Variants in TM9SF4 observed in about 807,000 individuals in gnomAD.
TM9SF4 encodes the protein dinucleotide oxidase disulfide thiol exchanger 3 superfamily member 4.
Under a neutral mutation model 90.4 loss-of-function variants are expected in TM9SF4, and 26 were observed. The ratio of observed to expected loss-of-function variants is 0.29; its 90% CI spans 0.21 to 0.40. The LOEUF (loss-of-function observed/expected upper bound fraction) is 0.40, where lower values mean the gene tolerates loss of function less well. TM9SF4 is among the 10% of genes least tolerant of loss of function. The pLI is 1.00. For synonymous variants in TM9SF4, 293 were observed against 315.4 expected (o/e 0.93, Z 0.75); for missense variants, 549 against 834.8 (o/e 0.66, Z 4.22).
chr20:32,135,790 G>C (rs1306003705), intron 2 of TM9SF4, among the ~76,000 whole-genome samples: 1 of 152,166 alleles, frequency 6.6e-6, no homozygotes, highest in African/African-American at 2.4e-5. Flanking sequence ...TATTTCCTTA[G>C]GAAAGATGCC....
In TM9SF4 at chr20:32,146,813, C is replaced by G. The variant is rs1156617812; in HGVS notation, c.912C>G (p.Thr304=). 3.7e-6 allele frequency: 6 copies of G among 1,613,926 alleles called. No homozygotes were observed. The Admixed American group carries it at 8.3e-5, about 22-fold the overall frequency. Reference sequence around the variant, plus strand: ...TCCTGAGCATGATTATCATTCGGACCCTCCGGAAGGACATTGCCAACTACA... The same window carrying G: ...TCCTGAGCATGATTATCATTCGGACGCTCCGGAAGGACATTGCCAACTACA... ...SGILSMIIIR[T]LRKDIANYNK... is the part of the protein sequence containing the mutation. Residue 304 remains threonine (T), a synonymous_variant, in exon 9 of 18, where the codon ACC becomes ACG. Transcript: ENST00000398022.
chr20:32,161,169 T>A, intron 16 of TM9SF4, 107 bp from the exon 17 acceptor site: 1 of 839,776 alleles, frequency 1.2e-6, no homozygotes, highest in Admixed American at 2.0e-5. Flanking sequence ...CATCACCCCA[T>A]ATGTTACTGC....
intron 9 of TM9SF4, 35 bp downstream of exon 9, chr20:32,146,890 A>T (rs535835490): frequency 6.3e-7 from 1 of 1,598,470 alleles, no homozygotes; most frequent in Non-Finnish European, 8.6e-7. Context: ...ATGAAGTTGG[A>T]TGGGGAGGGG....
chr20:32,145,742 A>T (rs2046754271), intron 8 of TM9SF4, among the ~76,000 whole-genome samples: 1 of 152,220 alleles, frequency 6.6e-6, no homozygotes, highest in African/African-American at 2.4e-5. Context: ...GGTATGAACA[A>T]GCCCGACCCA....
At chr20:32,138,594 T>C (rs1372653141) in intron 3 of TM9SF4, among the ~76,000 whole-genome samples, 3 of 152,046 alleles carry the variant, frequency 2.0e-5, no homozygotes, top group Admixed American at 2.0e-4. Context: ...GAGGCAGAGG[T>C]TGCAGTGAGC....
chr20:32,120,736 TA>T (rs2046294252), intron 1 of TM9SF4, among the ~76,000 whole-genome samples: 1 of 152,186 alleles, frequency 6.6e-6, no homozygotes. Context: ...TTAGGGGAAA[TA>T]ATTCAGTTTT....
At chr20:32,129,348 C>T (rs560030930) in intron 1 of TM9SF4, among the ~76,000 whole-genome samples, 30 of 152,024 alleles carry the variant, frequency 2.0e-4, no homozygotes, top group African/African-American at 7.0e-4. Context: ...AAAAAAATTG[C>T]GGTGCATGGT....
chr20:32,158,409 T>C, intron 14 of TM9SF4, 42 bp from the exon 15 acceptor site: 1 of 1,607,998 alleles, frequency 6.2e-7, no homozygotes. Flanking sequence ...GGCTTCCTGG[T>C]GGCCTGGTCT....
chr20:32,141,602 C>A lies in TM9SF4; in HGVS notation c.335C>A (p.Thr112Asn), dbSNP rs1569081232. The change falls in exon 4 of 18, where the codon ACC (threonine) becomes AAC (asparagine). Residue 112 changes from threonine (T) to asparagine (N), a missense_variant. Thr to Asn is a moderately conservative substitution (Grantham distance 65, BLOSUM62 0). This residue lies in a region of TM9SF4 where 495 missense variants were observed against 711.7 expected (regional missense o/e 0.70). Transcript: ENST00000398022. ...TGCAGCCAGTCCAACAAGCCAGTGA[C>A]CCTGACAGTGGAGCAGAGCCGACTC... ...VLCSQSNKPV[T>N]LTVEQSRLVA... 6.2e-7 allele frequency: 1 copy of A among 1,614,132 alleles called. No homozygotes were observed. Among genetic ancestry groups the A allele is most frequent in the East Asian group, 2.2e-5 (1 of 44,886 alleles).
Position 32,145,169 on chromosome 20 carries a change from A to G in TM9SF4, c.731A>G (p.Lys244Arg). ...TCGCCCCAAGAAATTGACCCCACCA[A>G]GGAGAATCAGCTGTACTTCACCTAC... ...NSSPQEIDPT[K>R]ENQLYFTYSV... Residue 244 changes from lysine to arginine, a missense_variant, in exon 7 of 18, where the codon AAG (lysine) becomes AGG (arginine). By Grantham distance (26) the Lys-to-Arg change is conservative. This residue lies in a region of TM9SF4 where 495 missense variants were observed against 711.7 expected (regional missense o/e 0.70). Transcript: ENST00000398022. 3 of 1,614,158 alleles carry G rather than the reference A, an allele frequency of 1.9e-6. No individual in the cohort carries two copies. Among genetic ancestry groups the G allele is most frequent in the Non-Finnish European group, 2.5e-6 (3 of 1,180,028 alleles).
intron 17 of TM9SF4, among the ~76,000 whole-genome samples, chr20:32,161,703 C>T (rs1483347633): frequency 6.6e-6 from 1 of 152,004 alleles, no homozygotes; most frequent in Non-Finnish European, 1.5e-5. Context: ...CTAATAACAC[C>T]TTGAGAAAAA....
intron 1 of TM9SF4, among the ~76,000 whole-genome samples, chr20:32,121,114 T>C (rs550961513): frequency 6.6e-6 from 1 of 152,282 alleles, no homozygotes; most frequent in Non-Finnish European, 1.5e-5. Flanking sequence ...TTGCCTGGCT[T>C]TGGCACGTGG....
At chr20:32,129,576 T>G (rs1272407150) in intron 1 of TM9SF4, among the ~76,000 whole-genome samples, 4 of 152,034 alleles carry the variant, frequency 2.6e-5, no homozygotes, top group Non-Finnish European at 5.9e-5. Context: ...ACATTTGACA[T>G]TTTACTATTG....
At chr20:32,154,094 TCTA>T (rs1358945890) in intron 12 of TM9SF4, among the ~76,000 whole-genome samples, 4 of 152,160 alleles carry the variant, frequency 2.6e-5, no homozygotes, top group African/African-American at 9.7e-5. Flanking sequence ...TCACCATCCT[TCTA>T]GGCAGTTTGG....
chr20:32,136,518 G>A (rs1027100201), intron 3 of TM9SF4, among the ~76,000 whole-genome samples: 2 of 152,074 alleles, frequency 1.3e-5, no homozygotes, highest in Non-Finnish European at 2.9e-5. Flanking sequence ...TTTCTAGATA[G>A]CTCCTCTCTT....
intron 1 of TM9SF4, among the ~76,000 whole-genome samples, chr20:32,132,715 A>C (rs2046538146): frequency 6.6e-6 from 1 of 152,218 alleles, no homozygotes; most frequent in African/African-American, 2.4e-5. Context: ...GTTACACACT[A>C]TAAATGGTTA....
chr20:32,141,461 T>C (rs777628278), intron 3 of TM9SF4, 36 bp from the exon 4 acceptor site: 1 of 1,609,706 alleles, frequency 6.2e-7, no homozygotes, highest in South Asian at 1.1e-5. Context: ...ACCTCAGGGC[T>C]GAAGCTCTGA....
intron 1 of TM9SF4, among the ~76,000 whole-genome samples, chr20:32,111,946 C>T (rs2046148780): frequency 6.6e-6 from 1 of 152,188 alleles, no homozygotes; most frequent in African/African-American, 2.4e-5. Context: ...ATGGGAAGGA[C>T]TGCGGTCTAC....
intron 1 of TM9SF4, among the ~76,000 whole-genome samples, chr20:32,122,881 T>C (rs2046347494): frequency 6.6e-6 from 1 of 151,814 alleles, no homozygotes; most frequent in African/African-American, 2.4e-5. Context: ...TGGGCGCCAT[T>C]GAGCACTGAG....
Sources: allele counts gnomAD v4.1 joint callset (sites outside exome capture counted in the v4.1 genomes callset), GRCh38; gene constraint gnomAD v4.1.1; regional missense constraint gnomAD v4.1.1; transcripts MANE v1.5; gene names NCBI Gene and HGNC (gene_info 2026-07-23, HGNC 2026-07-21).